Variants in TRAF6 observed in about 807,000 individuals in gnomAD.
The protein encoded by TRAF6 is TNF receptor-associated factor 6.
Under a neutral mutation model 48.4 loss-of-function variants are expected in TRAF6, and 10 were observed. That is an observed-to-expected ratio of 0.21 (90% CI 0.13 to 0.35). The LOEUF (loss-of-function observed/expected upper bound fraction) is 0.35. TRAF6 is among the 10% of genes least tolerant of loss of function. The pLI is 1.00. For synonymous variants in TRAF6, 186 were observed against 219.6 expected (o/e 0.85, Z 1.35); for missense variants, 397 against 661.0 (o/e 0.60, Z 4.38).
chr11:36,484,166 G>A lies in TRAF6; in HGVS notation c.*5672C>T, dbSNP rs1008417801. 6.6e-6 allele frequency among the ~76,000 whole-genome samples: 1 copy of A among 152,204 alleles called. No homozygotes were observed. Among genetic ancestry groups the A allele is most frequent in the Non-Finnish European group, 1.5e-5 (1 of 68,032 alleles). Reference sequence around the variant, plus strand: ...ATTAGGAGCAGGGCTTGTTTTATGCGCTCCGTGCATGCTGATGGTGCAGGG... The same window carrying A: ...ATTAGGAGCAGGGCTTGTTTTATGCACTCCGTGCATGCTGATGGTGCAGGG... On this transcript the variant is annotated 3_prime_UTR_variant, in exon 7 of 7. Transcript: ENST00000526995.
chr11:36,500,456 A>T (rs539811496), intron 2 of TRAF6, among the ~76,000 whole-genome samples: 2 of 152,362 alleles, frequency 1.3e-5, no homozygotes, highest in South Asian at 4.1e-4. Flanking sequence ...AGAGTGCAGC[A>T]GAAAAGAGGT....
In TRAF6 at chr11:36,488,380, C is replaced by T. The variant is rs1229243007; in HGVS notation, c.*1458G>A. 6.5e-6 allele frequency: 1 copy of T among 152,770 alleles called. No homozygotes were observed. The highest frequency in any genetic ancestry group is 1.5e-5 in the Non-Finnish European group (1 of 68,088). The allele number at this position is 152,770 out of a possible 1,614,324, so 9.5% of individuals were successfully genotyped here. On this transcript the variant is annotated 3_prime_UTR_variant, in exon 7 of 7. Transcript: ENST00000526995. ...ACACTCGCTGGGGCTGAAAACCACACTCCCCTGCAGATGAGGTCCTTGGCT... is the reference window on the plus strand; with the variant it reads ...ACACTCGCTGGGGCTGAAAACCACATTCCCCTGCAGATGAGGTCCTTGGCT...
At chr11:36,503,814 A>T (rs1286251787) in intron 1 of TRAF6, among the ~76,000 whole-genome samples, 2 of 152,140 alleles carry the variant, frequency 1.3e-5, no homozygotes, top group African/African-American at 4.8e-5. Flanking sequence ...ATGCTACACT[A>T]GGGTATATAT....
intron 4 of TRAF6, among the ~76,000 whole-genome samples, chr11:36,496,056 A>G (rs1859627443): frequency 6.6e-6 from 1 of 152,228 alleles, no homozygotes; most frequent in Non-Finnish European, 1.5e-5. Flanking sequence ...GTGAATTTAT[A>G]AAAACTATAG....
rs1318775723 is a variant in TRAF6, at chr11:36,489,955, T to C, written c.1452A>G (p.Gln484=). 1 of 1,614,006 alleles carries C rather than the reference T, an allele frequency of 6.2e-7. No homozygotes were observed. Among genetic ancestry groups the C allele is most frequent in the African/African-American group, 1.3e-5 (1 of 74,906 alleles). The change falls in exon 7 of 7, where the codon CAA becomes CAG. Residue 484 remains glutamine, a synonymous_variant. Coordinates refer to ENST00000526995, the MANE Select transcript of TRAF6 (RefSeq NM_004620.4). The stretch of plus-strand genomic sequence containing the variant: ...ATGTGTCATCCTTAATGAAAGTTCT[T>C]TGTCTTAGGGCTTCCAGATGCATAA... The part of the protein sequence containing the change: ...VTFMHLEALR[Q]RTFIKDDTLL...
In TRAF6 at chr11:36,488,555, T is replaced by C. The variant is rs1859519494; in HGVS notation, c.*1283A>G. 1 of 152,488 alleles carries C rather than the reference T, an allele frequency of 6.6e-6. No homozygotes were observed. The highest frequency in any genetic ancestry group is 6.5e-5 in the Admixed American group (1 of 15,280). 9.4% of individuals were successfully genotyped at this position (152,488 alleles called of 1,614,324 possible). A position where few individuals can be genotyped will look rare whatever the true frequency, so the allele number is the denominator to read the frequency against. ...TATAAGCTTATACTAGTTGCGGGTC[T>C]CCCTGAGAACTAGATTCCACGATAT... is the stretch of plus-strand genomic sequence containing the variant. On this transcript the variant is annotated 3_prime_UTR_variant, in exon 7 of 7. Coordinates refer to ENST00000526995, the MANE Select transcript of TRAF6 (RefSeq NM_004620.4).
chr11:36,495,620 G>A lies in TRAF6; in HGVS notation c.607-573C>T, dbSNP rs544998882. Among the ~76,000 whole-genome samples the A allele has an allele frequency of 3.9e-5, 6 of 152,142 alleles. No individual in the cohort carries two copies. In the South Asian group the frequency reaches 6.2e-4, roughly 16 times the overall value. On this transcript the variant is annotated intron_variant, in intron 4 of 6. Coordinates refer to ENST00000526995, the MANE Select transcript of TRAF6 (RefSeq NM_004620.4). The stretch of plus-strand genomic sequence containing the variant: ...TTAGAAAGGAGTTGTCGGGCCGGGC[G>A]TGGTGGCTCATGTCTGTAATCCCAG...
At chr11:36,491,148 T>C (rs548746022) in intron 6 of TRAF6, among the ~76,000 whole-genome samples, 2 of 98,840 alleles carry the variant, frequency 2.0e-5, no homozygotes, top group Admixed American at 1.8e-4. Flanking sequence ...TTAATATTAA[T>C]ACCATTTTTT....
intron 3 of TRAF6, among the ~76,000 whole-genome samples, chr11:36,498,263 A>T (rs1417764870): frequency 1.3e-5 from 2 of 152,316 alleles, no homozygotes; most frequent in African/African-American, 2.4e-5. Context: ...CTGATTTTTT[A>T]AAAAAATTAC....
intron 5 of TRAF6, among the ~76,000 whole-genome samples, chr11:36,492,984 A>G (rs1035191373): frequency 1.3e-5 from 2 of 152,210 alleles, no homozygotes; most frequent in African/African-American, 4.8e-5. Flanking sequence ...GGTCTAGGCC[A>G]TTTAATAGGA....
At chr11:36,508,379 G>C (rs1859837700) in intron 1 of TRAF6, among the ~76,000 whole-genome samples, 1 of 151,840 alleles carries the variant, frequency 6.6e-6, no homozygotes, top group African/African-American at 2.4e-5. Flanking sequence ...ATTGAAAGCA[G>C]CCTTGTCATA....
At chr11:36,493,879 G>A (rs143075755) in intron 5 of TRAF6, among the ~76,000 whole-genome samples, 1 of 152,288 alleles carries the variant, frequency 6.6e-6, no homozygotes, top group East Asian at 1.9e-4. Context: ...AAAGTTTTAA[G>A]GTTAACAAAC....
In TRAF6 at chr11:36,487,292, T is replaced by G. The variant is rs1254397935; in HGVS notation, c.*2546A>C. 1 of 152,184 alleles carries G rather than the reference T, an allele frequency of 6.6e-6. No individual in the cohort carries two copies. The highest frequency in any genetic ancestry group is 1.5e-5 in the Non-Finnish European group (1 of 68,024). 9.4% of individuals were successfully genotyped at this position (152,184 alleles called of 1,614,324 possible). On this transcript the variant is annotated 3_prime_UTR_variant, in exon 7 of 7. Transcript: ENST00000526995. ...GCATGTTTAAGAATAGAGTAGGAGA[T>G]TGGGAAAATGTAAGGAAGAAACCAA...
intron 4 of TRAF6, among the ~76,000 whole-genome samples, chr11:36,496,766 T>C (rs1391493059): frequency 7.4e-6 from 1 of 134,680 alleles, no homozygotes; most frequent in African/African-American, 2.8e-5. Context: ...GATCTTATCT[T>C]AATCTACTTG....
rs1306141622 is a variant in TRAF6, at chr11:36,489,035, T to G, written c.*803A>C. On this transcript the variant is annotated 3_prime_UTR_variant, in exon 7 of 7. Coordinates refer to ENST00000526995, the MANE Select transcript of TRAF6 (RefSeq NM_004620.4). The stretch of plus-strand genomic sequence containing the variant: ...GAAGACATATGCAGAGCTGTGAAAT[T>G]CACTCTGCACTGAATAGACAAAAAG... 6.6e-6 allele frequency: 1 copy of G among 152,312 alleles called. No homozygotes were observed. The highest frequency in any genetic ancestry group is 1.5e-5 in the Non-Finnish European group (1 of 68,014). 9.4% of individuals were successfully genotyped at this position (152,312 alleles called of 1,614,324 possible). A position where few individuals can be genotyped will look rare whatever the true frequency, so the allele number is the denominator to read the frequency against.
Position 36,494,967 on chromosome 11 carries a change from G to T in TRAF6, c.678+9C>A, listed in dbSNP as rs373370894. Reference sequence around the variant, plus strand: ...TATGAAAATAATAATTTATGAAAATGAATAATACCTGTTCTCTGATGAGTA... The same window carrying T: ...TATGAAAATAATAATTTATGAAAATTAATAATACCTGTTCTCTGATGAGTA... On this transcript the variant is annotated intron_variant, in intron 5 of 6. Coordinates refer to ENST00000526995, the MANE Select transcript of TRAF6 (RefSeq NM_004620.4). 77 of 1,557,506 alleles carry T rather than the reference G, an allele frequency of 4.9e-5. No individual in the cohort carries two copies. The African/African-American group carries it at 9.3e-4, about 19-fold the overall frequency.
At chr11:36,505,241 A>G (rs1043832585) in intron 1 of TRAF6, among the ~76,000 whole-genome samples, 2 of 152,202 alleles carry the variant, frequency 1.3e-5, no homozygotes, top group Admixed American at 6.5e-5. Flanking sequence ...TTTTTCCAAT[A>G]AAAGGCTGTT....
chr11:36,504,727 C>T (rs945188058), intron 1 of TRAF6, among the ~76,000 whole-genome samples: 3 of 152,154 alleles, frequency 2.0e-5, no homozygotes, highest in African/African-American at 4.8e-5. Flanking sequence ...CCAGATCCAT[C>T]GGGGGCTCAT....
rs1859545275 is a variant in TRAF6, at chr11:36,490,273, A to G, written c.1134T>C (p.Pro378=). 6.2e-7 allele frequency: 1 copy of G among 1,614,148 alleles called. No homozygotes were observed. The highest frequency in any genetic ancestry group is 2.2e-5 in the East Asian group (1 of 44,878). ...ACCCGGGTTTGCCAGTGTAGAATCC[A>G]GGGCTATGAATCACAACAGGTTTCT... ...EEEKPVVIHS[P]GFYTGKPGYK... is the part of the protein sequence containing the mutation. Residue 378 remains proline (P), a synonymous_variant, in exon 7 of 7, where the codon CCT becomes CCC. Coordinates refer to ENST00000526995, the MANE Select transcript of TRAF6 (RefSeq NM_004620.4). This position sits in a 1 kb window ranked among gnomAD's most constrained non-coding sequence, Gnocchi z 6.4.
Sources: allele counts gnomAD v4.1 joint callset (sites outside exome capture counted in the v4.1 genomes callset), GRCh38; gene constraint gnomAD v4.1.1; non-coding constraint Gnocchi (gnomAD v3.1); transcripts MANE v1.5; gene names NCBI Gene and HGNC (gene_info 2026-07-23, HGNC 2026-07-21).